The following PCDHGB1 variants were observed in gnomAD, a reference collection of about 807,000 sequenced individuals.
The protein encoded by PCDHGB1 is protocadherin gamma subfamily B, 1.
Under a neutral mutation model 56.6 loss-of-function variants are expected in PCDHGB1, and 34 were observed. That is an observed-to-expected ratio of 0.60 (90% CI 0.46 to 0.80). The LOEUF (loss-of-function observed/expected upper bound fraction) is 0.80. Ranked by LOEUF, PCDHGB1 falls within the 30% of genes least tolerant of loss-of-function variation. PCDHGB1 has a pLI of 0.00. For synonymous variants in PCDHGB1, 561 were observed against 505.9 expected (o/e 1.11, Z -1.46); for missense variants, 1,278 against 1,204.6 (o/e 1.06, Z -0.90).
rs747746357 is a variant in PCDHGB1, at chr5:141,352,135, G to A, written c.1875G>A (p.Ala625=). The A allele has an allele frequency of 2.5e-6, 4 of 1,611,002 alleles. No individual in the cohort carries two copies. Among genetic ancestry groups the A allele is most frequent in the African/African-American group, 2.7e-5 (2 of 74,884 alleles). Residue 625 remains alanine (A), a synonymous_variant, in exon 1 of 4, where the codon GCG becomes GCA. Coordinates refer to ENST00000523390, the MANE Select transcript of PCDHGB1 (RefSeq NM_018922.3). ...TGCGCACGGGTGAGGTGCGCACAGCGCGTGCCTTGGGCGACAGGGACGCGG... is the reference window on the plus strand; with the variant it reads ...TGCGCACGGGTGAGGTGCGCACAGCACGTGCCTTGGGCGACAGGGACGCGG... The part of the protein sequence containing the change: ...LGLRTGEVRT[A]RALGDRDAAR...
At chr5:141,403,104 A>T in intron 1 of PCDHGB1, 1 of 1,614,038 alleles carries the variant, frequency 6.2e-7, no homozygotes. Flanking sequence ...ATCTCCAAGG[A>T]CCTGGCTCTG....
chr5:141,408,849 A>G (rs764977493), intron 1 of PCDHGB1: 1 of 1,613,610 alleles, frequency 6.2e-7, no homozygotes, highest in South Asian at 1.1e-5. Context: ...ACTGCCTTGG[A>G]CGGAGGGGAC....
chr5:141,350,504 T>A lies in PCDHGB1; in HGVS notation c.244T>A (p.Leu82Ile). 6.2e-7 allele frequency: 1 copy of A among 1,613,996 alleles called. No individual in the cohort carries two copies. The highest frequency in any genetic ancestry group is 8.5e-7 in the Non-Finnish European group (1 of 1,179,892). ...CGTTAGTTTGGAGAGCGGGGATTTG[T>A]TAGTGAACGGTAGGATAGATCGAGA... Reference protein sequence around the residue: ...FNVSLESGDLLVNGRIDREKI... With the variant: ...FNVSLESGDLIVNGRIDREKI... Residue 82 changes from leucine to isoleucine, a missense_variant, in exon 1 of 4, where the codon TTA (leucine) becomes ATA (isoleucine). Coordinates refer to ENST00000523390, the MANE Select transcript of PCDHGB1 (RefSeq NM_018922.3).
intron 1 of PCDHGB1, chr5:141,400,256 G>T (rs756430299): frequency 8.1e-6 from 13 of 1,613,868 alleles, no homozygotes; most frequent in Non-Finnish European, 1.1e-5. Flanking sequence ...GTTGCCTTGC[G>T]CCTGCGACGC....
At chr5:141,371,947 G>C in intron 1 of PCDHGB1, 1 of 1,613,300 alleles carries the variant, frequency 6.2e-7, no homozygotes, top group Non-Finnish European at 8.5e-7. Context: ...TTCGCGCAGC[G>C]AGCCTTCGAC....
chr5:141,418,890 G>C (rs1449142412), intron 1 of PCDHGB1: 1 of 1,613,934 alleles, frequency 6.2e-7, no homozygotes, highest in South Asian at 1.1e-5. Context: ...AACGACAACA[G>C]CCCAGAAATA....
intron 1 of PCDHGB1, chr5:141,418,028 A>C (rs767425160): frequency 1.2e-6 from 2 of 1,613,970 alleles, no homozygotes; most frequent in East Asian, 4.5e-5. Context: ...TCTAGGGCTT[A>C]GTGTCCTGGA....
In PCDHGB1 at chr5:141,365,555, G is replaced by T. The variant is rs766239362; in HGVS notation, c.2409+12886G>T. ...TTACTATCACCTATTAACAACTAGG[G>T]ACCTGGACAGAGAAGAGACTTCAGA... On this transcript the variant is annotated intron_variant, in intron 1 of 3. Transcript: ENST00000523390. The T allele has an allele frequency of 4.3e-5, 70 of 1,613,524 alleles. No individual in the cohort carries two copies. The Admixed American group carries it at 5.7e-4, about 13-fold the overall frequency.
chr5:141,410,230 C>A (rs759582867), intron 1 of PCDHGB1: 2 of 1,614,006 alleles, frequency 1.2e-6, no homozygotes, highest in South Asian at 2.2e-5. Flanking sequence ...CAGACCTCAG[C>A]GACCGCCCTG....
At chr5:141,403,864 A>C in intron 1 of PCDHGB1, 1 of 1,613,794 alleles carries the variant, frequency 6.2e-7, no homozygotes, top group Non-Finnish European at 8.5e-7. Flanking sequence ...TATCAACAGC[A>C]AAAAGTCTAG....
rs1246204844 is a variant in PCDHGB1, at chr5:141,419,493, A to T, written c.2409+66824A>T. On this transcript the variant is annotated intron_variant, in intron 1 of 3. Coordinates refer to ENST00000523390, the MANE Select transcript of PCDHGB1 (RefSeq NM_018922.3). ...CAGGGCTCGCCCGCGCTCAGCGCCA[A>T]TGTGAGCCTGCGCGTGTTGGTGGGC... 3 of 1,612,264 alleles carry T rather than the reference A, an allele frequency of 1.9e-6. No individual in the cohort carries two copies. The African/African-American group carries it at 4.0e-5, about 22-fold the overall frequency.
At chr5:141,393,367 G>A (rs1302436646) in intron 1 of PCDHGB1, 2 of 1,613,962 alleles carry the variant, frequency 1.2e-6, no homozygotes, top group East Asian at 2.2e-5. Flanking sequence ...GTGCAGACTG[G>A]AGACAATGGA....
chr5:141,361,556 T>A, intron 1 of PCDHGB1: 1 of 1,614,058 alleles, frequency 6.2e-7, no homozygotes, highest in Non-Finnish European at 8.5e-7. Flanking sequence ...ATCGCTCAAA[T>A]CAGTGCCTCT....
intron 1 of PCDHGB1, chr5:141,422,813 TAGAACTG>T: frequency 6.2e-7 from 1 of 1,614,192 alleles, no homozygotes; most frequent in Non-Finnish European, 8.5e-7. Flanking sequence ...TTTCGAGACT[TAGAACTG>T]AGAGTGATAG....
At chr5:141,422,090 A>T (rs762413085) in intron 1 of PCDHGB1, 1 of 1,611,852 alleles carries the variant, frequency 6.2e-7, no homozygotes, top group East Asian at 2.2e-5. Context: ...ATGGAAAGCA[A>T]GGCTTCTGAA....
rs774487660 is a variant in PCDHGB1, at chr5:141,404,806, G to C, written c.2409+52137G>C. 6 of 1,613,874 alleles carry C rather than the reference G, an allele frequency of 3.7e-6. No individual in the cohort carries two copies. In the South Asian group the frequency reaches 5.5e-5, roughly 15 times the overall value. On this transcript the variant is annotated intron_variant, in intron 1 of 3. Transcript: ENST00000523390. ...AGGCCAGTGAGCCAGGGCTCTTCTCGGTGGGGCTGCACACAGGTGAAGTGC... is the reference window on the plus strand; with the variant it reads ...AGGCCAGTGAGCCAGGGCTCTTCTCCGTGGGGCTGCACACAGGTGAAGTGC...
In PCDHGB1 at chr5:141,486,657, T is replaced by G. The variant is rs1171065175; in HGVS notation, c.2410-8150T>G. On this transcript the variant is annotated intron_variant, in intron 1 of 3. Transcript: ENST00000523390. The surrounding 1 kb of genome is among the most constrained non-coding windows in gnomAD (Gnocchi z 5.0). ...AATGCGCTTATCTCCTACTCACTCC[T>G]GGAGCCCAGGAATCGAGATGTATCA... 3 of 1,614,010 alleles carry G rather than the reference T, an allele frequency of 1.9e-6. No homozygotes were observed. Among genetic ancestry groups the G allele is most frequent in the Non-Finnish European group, 2.5e-6 (3 of 1,180,030 alleles).
intron 1 of PCDHGB1, among the ~76,000 whole-genome samples, chr5:141,465,048 AT>A (rs905091014): frequency 4.0e-5 from 6 of 151,346 alleles, no homozygotes; most frequent in African/African-American, 9.7e-5. Context: ...GACCCTATAT[AT>A]TTTTTTGAAT....
In PCDHGB1 at chr5:141,350,781, A is replaced by T. The variant is rs1758557534; in HGVS notation, c.521A>T (p.Tyr174Phe). Residue 174 changes from tyrosine (Y) to phenylalanine (F), a missense_variant, in exon 1 of 4, where the codon TAC (tyrosine) becomes TTC (phenylalanine). Tyr to Phe is a conservative substitution (Grantham distance 22). Coordinates refer to ENST00000523390, the MANE Select transcript of PCDHGB1 (RefSeq NM_018922.3). ...LKLYTINPNQ[Y>F]FSLSTKESPD... ...TTATACACCATCAACCCCAATCAATACTTCTCTCTGTCAACGAAGGAAAGT... is the reference window on the plus strand; with the variant it reads ...TTATACACCATCAACCCCAATCAATTCTTCTCTCTGTCAACGAAGGAAAGT... 1 of 1,613,834 alleles carries T rather than the reference A, an allele frequency of 6.2e-7. No individual in the cohort carries two copies.
Sources: gnomAD v4.1 joint callset for allele counts (sites outside exome capture counted in the v4.1 genomes callset) on GRCh38, gnomAD v4.1.1 for gene constraint, Gnocchi (gnomAD v3.1) non-coding constraint, MANE v1.5 for transcripts, NCBI Gene and HGNC (gene_info 2026-07-23, HGNC 2026-07-21) for gene names.